The following DSCAML1 variants were observed in gnomAD, a reference collection of about 807,000 sequenced individuals.
DSCAML1 encodes DS cell adhesion molecule like 1.
Under a neutral mutation model 200.5 loss-of-function variants are expected in DSCAML1, and 38 were observed. That is an observed-to-expected ratio of 0.19 (90% CI 0.15 to 0.25). The LOEUF is 0.25. DSCAML1 is among the 10% of genes least tolerant of loss of function. The pLI is 1.00. For synonymous variants in DSCAML1, 1,215 were observed against 1,165.0 expected, an observed-to-expected ratio of 1.04 and a Z score of -0.87; for missense variants, 2,223 against 2,858.8, an observed-to-expected ratio of 0.78 and a Z score of 5.07.
intron 21 of DSCAML1, among the ~76,000 whole-genome samples, chr11:117,443,232 C>A (rs73018334): frequency 0.02 from 3,033 of 152,280 alleles, 71 homozygotes; most frequent in Non-Finnish European, 0.027. Context: ...CTCAGCCTTG[C>A]AGCTCTACCT....
rs1406073737 is a variant in DSCAML1 at position 117,437,730 on chromosome 11, A to T, written c.4432+165T>A. 6.6e-6 allele frequency among the ~76,000 whole-genome samples: 1 copy of T among 152,102 alleles called. No homozygotes were observed. Among genetic ancestry groups the T allele is most frequent in the East Asian group, 1.9e-4 (1 of 5,178 alleles). On this transcript the variant is annotated intron_variant, in intron 25 of 32. Coordinates refer to ENST00000651296, the MANE Select transcript of DSCAML1 (RefSeq NM_020693.4). This position sits in a 1 kb window ranked among gnomAD's most constrained non-coding sequence, Gnocchi z 5.3. ...GTTTTTCCTAATGGGATCCATCGGG[A>T]CACTGTGGTGACGGGAAGGAGGCTG... is the stretch of plus-strand genomic sequence containing the variant.
intron 3 of DSCAML1, among the ~76,000 whole-genome samples, chr11:117,626,665 G>A (rs887305800): frequency 6.6e-6 from 1 of 152,138 alleles, no homozygotes; most frequent in Non-Finnish European, 1.5e-5. Context: ...CCAAACAAGC[G>A]CTCTCTATGC....
Position 117,532,407 on chromosome 11 carries a change from C to T in DSCAML1, c.627G>A (p.Arg209=), listed in dbSNP as rs2050098715. The T allele has an allele frequency of 6.2e-7, 1 of 1,614,006 alleles. No homozygotes were observed. The highest frequency in any genetic ancestry group is 1.3e-5 in the African/African-American group (1 of 74,918). Residue 209 remains arginine (R), a synonymous_variant, in exon 4 of 33, where the codon CGG becomes CGA. Transcript: ENST00000651296. ...CAGAGAGGCGTGCCCCATTGCTCTG[C>T]CGGGTCTCCCCGCTATACTTGTGCT... is the stretch of plus-strand genomic sequence containing the variant. ...ITKHKYSGET[R]QSNGARLSVT... is the part of the protein sequence containing the mutation.
At chr11:117,749,839 G>A (rs370922793) in intron 3 of DSCAML1, among the ~76,000 whole-genome samples, 1 of 152,234 alleles carries the variant, frequency 6.6e-6, no homozygotes, top group African/African-American at 2.4e-5. Flanking sequence ...AGCTGGGAGC[G>A]GGACCTGTGT....
intron 11 of DSCAML1, among the ~76,000 whole-genome samples, chr11:117,491,746 C>T (rs1386724741): frequency 6.6e-6 from 1 of 152,176 alleles, no homozygotes; most frequent in Non-Finnish European, 1.5e-5. Context: ...TGCACTCCAG[C>T]CTGTACAACA....
intron 27 of DSCAML1, among the ~76,000 whole-genome samples, chr11:117,433,768 A>G (rs1044017343): frequency 2.0e-5 from 3 of 152,226 alleles, no homozygotes; most frequent in Non-Finnish European, 4.4e-5. Context: ...TGCTTCATGA[A>G]TTGACTCTGC....
In DSCAML1 at chr11:117,803,758, A is replaced by C. The variant is rs78923529; in HGVS notation, c.-250+13632T>G. Among the ~76,000 whole-genome samples the C allele has an allele frequency of 2.5e-3, 374 of 152,328 alleles. 2 individuals are homozygous for C. Among genetic ancestry groups the C allele is most frequent in the Middle Eastern group, 0.01 (3 of 294 alleles). On this transcript the variant is annotated intron_variant, in intron 1 of 2. Transcript: ENST00000525836. ...CTGTATGTCAATCATGTATTTGTAC[A>C]GTGCTGTTCACACAGAAGCCCCCTT...
Position 117,428,606 on chromosome 11 carries a change from C to T in DSCAML1, c.5884G>A (p.Ala1962Thr), listed in dbSNP as rs532349976. The change falls in exon 33 of 33, where the codon GCT (alanine) becomes ACT (threonine). Residue 1962 changes from alanine to threonine, a missense_variant. Physicochemically the swap from Ala to Thr is moderately conservative, Grantham distance 58. Coordinates refer to ENST00000651296, the MANE Select transcript of DSCAML1 (RefSeq NM_020693.4). ...GGTAAGGTGGCTGTGGAGGCGGCAG[C>T]GGGGGCCCCTGGGTGGGGAAGGCCC... ...SLGLPHPGAP[A>T]AASTATLPQR... The T allele has an allele frequency of 5.2e-5, 84 of 1,604,172 alleles. 1 individual carries two copies. In the South Asian group the frequency reaches 6.7e-4, roughly 13 times the overall value.
intron 1 of DSCAML1, among the ~76,000 whole-genome samples, chr11:117,803,970 G>A (rs896819848): frequency 8.5e-5 from 13 of 152,334 alleles, no homozygotes; most frequent in Admixed American, 7.2e-4. Flanking sequence ...CGCCTTCCAC[G>A]GTCTCTCTGC....
intron 18 of DSCAML1, among the ~76,000 whole-genome samples, chr11:117,459,826 T>C (rs968808000): frequency 6.6e-6 from 1 of 152,174 alleles, no homozygotes; most frequent in African/African-American, 2.4e-5. Flanking sequence ...ACCTCGCGGA[T>C]GGTCCAGGGC....
At chr11:117,446,852 A>C (rs1422231911) in intron 20 of DSCAML1, among the ~76,000 whole-genome samples, 3 of 152,232 alleles carry the variant, frequency 2.0e-5, no homozygotes, top group Non-Finnish European at 4.4e-5. Flanking sequence ...TACCCTAAGA[A>C]AATATTAAAA....
chr11:117,524,604 G>T (rs983613859), intron 5 of DSCAML1, among the ~76,000 whole-genome samples: 2 of 152,206 alleles, frequency 1.3e-5, no homozygotes, highest in African/African-American at 2.4e-5. Flanking sequence ...GTTACTATCT[G>T]CTAATGCCAG....
intron 1 of DSCAML1, among the ~76,000 whole-genome samples, chr11:117,792,183 C>T (rs2055479478): frequency 6.6e-6 from 1 of 152,192 alleles, no homozygotes; most frequent in Non-Finnish European, 1.5e-5. Context: ...ACCCCTTAGG[C>T]CTCCATACCA....
At chr11:117,451,383 C>A (rs76257648) in intron 19 of DSCAML1, among the ~76,000 whole-genome samples, 1,989 of 152,332 alleles carry the variant, frequency 0.013, 41 homozygotes, top group South Asian at 0.015. Flanking sequence ...TGGTTGTGTA[C>A]TTGTTTCCTT....
chr11:117,554,217 A>C (rs1241405999), intron 3 of DSCAML1, among the ~76,000 whole-genome samples: 1 of 152,188 alleles, frequency 6.6e-6, no homozygotes, highest in Non-Finnish European at 1.5e-5. Flanking sequence ...TTTTGGAAAT[A>C]GTGGCGATGG....
At chr11:117,486,851 T>A in intron 11 of DSCAML1, among the ~76,000 whole-genome samples, 2 of 125,688 alleles carry the variant, frequency 1.6e-5, no homozygotes, top group Non-Finnish European at 3.3e-5. Flanking sequence ...GTGTGATAAG[T>A]ATAAAATACA....
intron 3 of DSCAML1, among the ~76,000 whole-genome samples, chr11:117,731,160 A>C (rs1041103227): frequency 6.6e-6 from 1 of 152,020 alleles, no homozygotes; most frequent in South Asian, 2.1e-4. Context: ...AATCTCAATA[A>C]AGCTGCTACT....
chr11:117,780,591 G>C lies in DSCAML1; in HGVS notation c.266C>G (p.Pro89Arg). ...GTGGATAAAGCTATTGAAGGCGGAG[G>C]GGGAGAAGGGGTAGAGCTGCAGCGT... ...NGTLQLYPFS[P>R]SAFNSFIHDN... Residue 89 changes from proline (P) to arginine (R), a missense_variant, in exon 2 of 33, where the codon CCC becomes CGC. Transcript: ENST00000651296. The surrounding 1 kb of genome is among the most constrained non-coding windows in gnomAD (Gnocchi z 4.8). 1.3e-6 allele frequency: 2 copies of C among 1,584,224 alleles called. No individual in the cohort carries two copies. The highest frequency in any genetic ancestry group is 1.1e-5 in the South Asian group (1 of 86,970).
At chr11:117,496,312 C>G (rs1382522709) in intron 11 of DSCAML1, among the ~76,000 whole-genome samples, 2 of 152,192 alleles carry the variant, frequency 1.3e-5, no homozygotes, top group Non-Finnish European at 2.9e-5. Flanking sequence ...CACCCGGGGG[C>G]TGCTCAGGAA....
Sources: allele counts gnomAD v4.1 joint callset (sites outside exome capture counted in the v4.1 genomes callset), GRCh38; gene constraint gnomAD v4.1.1; non-coding constraint Gnocchi (gnomAD v3.1); transcripts MANE v1.5; gene names NCBI Gene and HGNC (gene_info 2026-07-23, HGNC 2026-07-21).